Variants in PLAAT1 observed in about 807,000 individuals in gnomAD.
PLAAT1 encodes phospholipase A and acyltransferase 1.
PLAAT1 carries 13 observed loss-of-function variants against 16.4 expected under a neutral mutation model. The observed-to-expected ratio is 0.79, with a 90% CI of 0.52 to 1.26. PLAAT1 has a LOEUF of 1.26. PLAAT1 is among the 50% of genes most tolerant of loss of function. PLAAT1 has a pLI of 0.00. For missense variants in PLAAT1, 218 were observed against 207.8 expected (o/e 1.05, Z -0.30); for synonymous variants, 73 against 78.4 (o/e 0.93, Z 0.36).
At chr3:193,265,756 A>G (rs1716757447) in intron 3 of PLAAT1, among the ~76,000 whole-genome samples, 1 of 151,362 alleles carries the variant, frequency 6.6e-6, no homozygotes, top group Non-Finnish European at 1.5e-5. Context: ...TAGGAAATGT[A>G]TTAACATAAT....
At position 193,266,415 on chromosome 3, in the gene PLAAT1, A is replaced by G. The variant is rs180695987; in HGVS notation, c.405+3180A>G. Among the ~76,000 whole-genome samples the G allele has an allele frequency of 6.2e-3, 939 of 152,298 alleles. 9 individuals carry two copies. The highest frequency in any genetic ancestry group is 0.021 in the African/African-American group (874 of 41,566). ...CTTATTTGACTATAACTTGCAATCT[A>G]TCATCATTTCACCTTTCACATCTAG... On this transcript the variant is annotated intron_variant, in intron 3 of 3. Transcript: ENST00000264735.
intron 2 of PLAAT1, among the ~76,000 whole-genome samples, chr3:193,260,510 AAAT>A (rs1716545316): frequency 6.6e-6 from 1 of 152,166 alleles, no homozygotes; most frequent in Non-Finnish European, 1.5e-5. Flanking sequence ...AACATGTAAA[AAAT>A]AATCTAATTA....
downstream of PLAAT1, among the ~76,000 whole-genome samples, chr3:193,271,341 T>G (rs1207340700): frequency 6.6e-6 from 1 of 152,204 alleles, no homozygotes; most frequent in Non-Finnish European, 1.5e-5. Flanking sequence ...GAGTGGGCTG[T>G]TATTTCTACA....
At chr3:193,257,042 CTG>C (rs1716400382) in intron 2 of PLAAT1, among the ~76,000 whole-genome samples, 5 of 152,194 alleles carry the variant, frequency 3.3e-5, no homozygotes, top group African/African-American at 1.2e-4. Flanking sequence ...TGTCACACAT[CTG>C]CATTTTTTTC....
At chr3:193,253,884 T>G (rs1716283428) in intron 1 of PLAAT1, among the ~76,000 whole-genome samples, 2 of 152,182 alleles carry the variant, frequency 1.3e-5, no homozygotes, top group Admixed American at 1.3e-4. Flanking sequence ...AGGGTAGAGA[T>G]AGTGCATTTG....
chr3:193,276,912 A>G (rs1290660039), intron 2 of PLAAT1: 32 of 1,037,320 alleles, frequency 3.1e-5, no homozygotes, highest in Middle Eastern at 5.9e-4. Context: ...TAATTTATAG[A>G]TTTGTAATAA....
chr3:193,278,136 C>G (rs1717311743), downstream of PLAAT1, among the ~76,000 whole-genome samples: 1 of 152,132 alleles, frequency 6.6e-6, no homozygotes, highest in Non-Finnish European at 1.5e-5. Context: ...TGGTCTTCTC[C>G]CCTAGCTTCT....
chr3:193,254,585 T>G (rs1716307389), intron 1 of PLAAT1, among the ~76,000 whole-genome samples: 1 of 152,192 alleles, frequency 6.6e-6, no homozygotes, highest in African/African-American at 2.4e-5. Flanking sequence ...AAGAATCAAC[T>G]GTCAGATACT....
At chr3:193,259,400 T>G (rs1406571210) in intron 2 of PLAAT1, among the ~76,000 whole-genome samples, 3 of 150,518 alleles carry the variant, frequency 2.0e-5, no homozygotes, top group Non-Finnish European at 2.9e-5. Context: ...GAGAAAGAAA[T>G]AAAAGGCATC....
chr3:193,265,902 T>C (rs1264523452), intron 3 of PLAAT1, among the ~76,000 whole-genome samples: 1 of 152,190 alleles, frequency 6.6e-6, no homozygotes, highest in Non-Finnish European at 1.5e-5. Flanking sequence ...TCTTCTTTGT[T>C]AATGACAAAG....
chr3:193,242,739 A>G (rs941023929), intron 1 of PLAAT1, among the ~76,000 whole-genome samples: 1 of 152,138 alleles, frequency 6.6e-6, no homozygotes, highest in African/African-American at 2.4e-5. Context: ...TCTTTGCAGC[A>G]CTGAGAGTCT....
At chr3:193,251,746 C>T (rs1462533836) in intron 1 of PLAAT1, among the ~76,000 whole-genome samples, 1 of 152,006 alleles carries the variant, frequency 6.6e-6, no homozygotes, top group Admixed American at 6.6e-5. Context: ...CTTTTTCTAC[C>T]AATTTTGATG....
intron 2 of PLAAT1, among the ~76,000 whole-genome samples, chr3:193,259,003 AC>A: frequency 6.6e-6 from 1 of 152,284 alleles, no homozygotes; most frequent in Non-Finnish European, 1.5e-5. Context: ...AAAATCCTCA[AC>A]AAAAGACCAA....
chr3:193,254,639 A>G (rs1716310241), intron 1 of PLAAT1, among the ~76,000 whole-genome samples: 1 of 152,250 alleles, frequency 6.6e-6, no homozygotes, highest in Middle Eastern at 3.4e-3. Context: ...AAAATTACCA[A>G]ACTTAGAATT....
downstream of PLAAT1, chr3:193,279,543 G>A (rs1275183644): frequency 5.3e-6 from 5 of 937,692 alleles, no homozygotes; most frequent in Admixed American, 5.9e-5. Context: ...TCTCTGTTGG[G>A]CAAATACCAG....
intron 2 of PLAAT1, among the ~76,000 whole-genome samples, chr3:193,277,260 A>T (rs1167187293): frequency 6.6e-6 from 1 of 152,248 alleles, no homozygotes; most frequent in African/African-American, 2.4e-5. Flanking sequence ...AGAGAAATGT[A>T]AGTATATTTT....
At chr3:193,271,491 C>G (rs1225244678), downstream of PLAAT1, among the ~76,000 whole-genome samples, 2 of 152,086 alleles carry the variant, frequency 1.3e-5, no homozygotes. Context: ...TTTTTACAAG[C>G]CAAGGAATGT....
chr3:193,258,650 G>T (rs1716468843), intron 2 of PLAAT1, among the ~76,000 whole-genome samples: 1 of 151,944 alleles, frequency 6.6e-6, no homozygotes. Context: ...AAATTTAGAG[G>T]AAATGGACAA....
intron 2 of PLAAT1, among the ~76,000 whole-genome samples, chr3:193,257,369 G>A (rs1716416788): frequency 6.6e-6 from 1 of 152,114 alleles, no homozygotes; most frequent in African/African-American, 2.4e-5. Context: ...ATCCATAACA[G>A]CCATTAAAAG....
Sources: gnomAD v4.1 joint callset for allele counts (sites outside exome capture counted in the v4.1 genomes callset) on GRCh38, gnomAD v4.1.1 for gene constraint, MANE v1.5 for transcripts, NCBI Gene and HGNC (gene_info 2026-07-23, HGNC 2026-07-21) for gene names.